HMGB1: variants seen among roughly 807,000 people sequenced by gnomAD.
HMGB1 encodes high mobility group box 1, also known as high mobility group protein B1.
For missense variants in HMGB1, 79 were observed against 253.5 expected (o/e 0.31, Z 4.67); for synonymous variants, 81 against 84.0 (o/e 0.96, Z 0.19).
chr13:30,538,182 C>A (rs1868540376), intron 1 of HMGB1, among the ~76,000 whole-genome samples: 1 of 152,200 alleles, frequency 6.6e-6, no homozygotes. Context: ...ATAATTTCAT[C>A]CCAGACACCG....
intron 1 of HMGB1, among the ~76,000 whole-genome samples, chr13:30,522,109 C>CTTGT (rs1555236932): frequency 7.7e-6 from 1 of 130,170 alleles, no homozygotes; most frequent in African/African-American, 2.9e-5. Flanking sequence ...AATTATGATA[C>CTTGT]TTTTTTTTTT....
intron 1 of HMGB1, among the ~76,000 whole-genome samples, chr13:30,537,382 A>C (rs1868487357): frequency 6.6e-6 from 1 of 152,016 alleles, no homozygotes; most frequent in African/African-American, 2.4e-5. Context: ...CATTTTACAA[A>C]ATGAACAAAC....
chr13:30,610,044 T>C (rs1950499118), intron 1 of HMGB1, among the ~76,000 whole-genome samples: 1 of 152,268 alleles, frequency 6.6e-6, no homozygotes, highest in Non-Finnish European at 1.5e-5. Context: ...TGATGATCCA[T>C]TTCCACTTAA....
rs1019745826 is a variant in HMGB1 at position 30,569,502 on chromosome 13, T to A, written c.-15+47169A>T. 5.9e-5 allele frequency among the ~76,000 whole-genome samples: 9 copies of A among 152,220 alleles called. 1 individual carries two copies. Among genetic ancestry groups the A allele is most frequent in the African/African-American group, 2.2e-4 (9 of 41,448 alleles). On this transcript the variant is annotated intron_variant, in intron 1 of 4. Coordinates refer to the HMGB1 transcript ENST00000405805. ...TATGCTAGGCAGTGTACTAGGCACC[T>A]TAAATACATTACCTTGTTTAACCTC...
chr13:30,465,464 C>T (rs1194134323), intron 1 of HMGB1, among the ~76,000 whole-genome samples: 1 of 147,138 alleles, frequency 6.8e-6, no homozygotes, highest in Non-Finnish European at 1.5e-5. Flanking sequence ...ACGCCCGGCC[C>T]GAGGGCCCAA....
In HMGB1 at chr13:30,515,021, A is replaced by G. The variant is rs75281770; in HGVS notation, c.-14-51327T>C. Among the ~76,000 whole-genome samples the G allele has an allele frequency of 1.4e-3, 219 of 152,344 alleles. 1 individual carries two copies. The highest frequency in any genetic ancestry group is 2.9e-3 in the Non-Finnish European group (198 of 68,036). On this transcript the variant is annotated intron_variant, in intron 1 of 4. Coordinates refer to the HMGB1 transcript ENST00000405805. ...GCTGAAGTTAATGCTACAGGAGATT[A>G]CCCAGGTGGGCCTGACCCTCATCAT...
chr13:30,466,262 C>T (rs1000852340), upstream of HMGB1, among the ~76,000 whole-genome samples: 2 of 151,646 alleles, frequency 1.3e-5, no homozygotes, highest in African/African-American at 4.9e-5. Context: ...ACAAGTGTCT[C>T]CAACTCCTCA....
chr13:30,532,698 G>A (rs1443285261), intron 1 of HMGB1, among the ~76,000 whole-genome samples: 1 of 152,006 alleles, frequency 6.6e-6, no homozygotes, highest in African/African-American at 2.4e-5. Flanking sequence ...TAGTAGAGAT[G>A]GGGTTTCGCC....
chr13:30,554,042 G>T (rs1285658148), intron 1 of HMGB1: 1 of 1,423,704 alleles, frequency 7.0e-7, no homozygotes, highest in African/African-American at 1.4e-5. Flanking sequence ...TTAAATGTGC[G>T]CAGTACTGGC....
chr13:30,514,154 A>C (rs1234623304), intron 1 of HMGB1, among the ~76,000 whole-genome samples: 1 of 151,982 alleles, frequency 6.6e-6, no homozygotes, highest in African/African-American at 2.4e-5. Context: ...ACTGGTTCTT[A>C]TCTATAAAAT....
At chr13:30,594,411 A>G (rs1227398945) in intron 1 of HMGB1, among the ~76,000 whole-genome samples, 2 of 151,980 alleles carry the variant, frequency 1.3e-5, no homozygotes, top group East Asian at 3.9e-4. Context: ...CCCAGTGTCT[A>G]CTGTTCCCAT....
intron 1 of HMGB1, among the ~76,000 whole-genome samples, chr13:30,524,565 C>T (rs1472829874): frequency 6.6e-6 from 1 of 151,960 alleles, no homozygotes; most frequent in East Asian, 1.9e-4. Context: ...TGCCTGTAAT[C>T]CCAGCTACTT....
At chr13:30,481,742 T>G (rs575091376) in intron 1 of HMGB1, among the ~76,000 whole-genome samples, 185 of 152,334 alleles carry the variant, frequency 1.2e-3, no homozygotes, top group African/African-American at 4.4e-3. Context: ...CCAAGGCTGG[T>G]GCTCAAGGGA....
chr13:30,608,456 A>T (rs1410741402), intron 1 of HMGB1, among the ~76,000 whole-genome samples: 2 of 152,224 alleles, frequency 1.3e-5, no homozygotes, highest in Non-Finnish European at 2.9e-5. Flanking sequence ...GCATGAGGAA[A>T]GCTCTTTCAT....
At chr13:30,500,220 A>G (rs1299675260) in intron 1 of HMGB1, among the ~76,000 whole-genome samples, 2 of 152,170 alleles carry the variant, frequency 1.3e-5, no homozygotes, top group African/African-American at 4.8e-5. Flanking sequence ...CTTGCACCAG[A>G]AGCTGCTGCC....
chr13:30,569,697 C>T (rs1870346867), intron 1 of HMGB1, among the ~76,000 whole-genome samples: 1 of 152,196 alleles, frequency 6.6e-6, no homozygotes, highest in East Asian at 1.9e-4. Flanking sequence ...ATCACATCAA[C>T]TTCTTTCCTA....
At chr13:30,475,026 GCTCTCTCT>G (rs1192619297) in intron 1 of HMGB1, among the ~76,000 whole-genome samples, 1 of 76,688 alleles carries the variant, frequency 1.3e-5, no homozygotes, top group Non-Finnish European at 2.3e-5. Flanking sequence ...TGCGACCTCA[GCTCTCTCT>G]CTCTCTCTCT....
intron 1 of HMGB1, among the ~76,000 whole-genome samples, chr13:30,496,741 C>G (rs1299602561): frequency 6.6e-6 from 1 of 152,092 alleles, no homozygotes; most frequent in African/African-American, 2.4e-5. Context: ...GGCAAATTTT[C>G]TTGAAACTTG....
chr13:30,580,654 C>G lies in HMGB1; in HGVS notation c.-15+36017G>C, dbSNP rs528620317. The stretch of plus-strand genomic sequence containing the variant: ...ACAGATACCAATCATTTATATCAGG[C>G]ATTTTTTTCTAATAGAAGGATATTC... On this transcript the variant is annotated intron_variant, in intron 1 of 4. Transcript: ENST00000405805. Among the ~76,000 whole-genome samples the G allele has an allele frequency of 3.9e-5, 6 of 152,296 alleles. No homozygotes were observed. The East Asian group carries it at 1.2e-3, about 29-fold the overall frequency.
Sources: allele counts gnomAD v4.1 joint callset (sites outside exome capture counted in the v4.1 genomes callset), GRCh38; gene constraint gnomAD v4.1.1; transcripts MANE v1.5; gene names NCBI Gene and HGNC (gene_info 2026-07-23, HGNC 2026-07-21).